The following LIMS2 variants were observed in gnomAD, a reference collection of about 807,000 sequenced individuals.
The protein encoded by LIMS2 is LIM and senescent cell antigen-like-containing domain protein 2.
In LIMS2, 30 loss-of-function variants were observed where a neutral mutation model predicts 45.3. The observed-to-expected ratio is 0.66, with a 90% CI of 0.50 to 0.90. The LOEUF (loss-of-function observed/expected upper bound fraction) is 0.90. Among genes scored for constraint, LIMS2 ranks in the 40% least tolerant of loss-of-function variants. The probability of loss-of-function intolerance (pLI) is 0.00; values close to 1 mark genes in which losing one functional copy is unlikely to be tolerated. For missense variants in LIMS2, 485 were observed against 468.7 expected (o/e 1.03, Z -0.32); for synonymous variants, 173 against 188.0 (o/e 0.92, Z 0.65).
At position 127,653,184 on chromosome 2, in the gene LIMS2, C is replaced by T. The variant is rs889463177; in HGVS notation, c.359+1240G>A. ...ACGTGCCTCTCTCACGGGCAGCACA[C>T]GGACAAGAGCTCGGTAGTGTCGGGG... On this transcript the variant is annotated intron_variant, in intron 4 of 9. Coordinates refer to ENST00000355119, the MANE Select transcript of LIMS2 (RefSeq NM_001161403.3). This position sits in a 1 kb window ranked among gnomAD's most constrained non-coding sequence, Gnocchi z 5.3. Among the ~76,000 whole-genome samples, 3 of 152,208 alleles carry T rather than the reference C, an allele frequency of 2.0e-5. No homozygotes were observed. Among genetic ancestry groups the T allele is most frequent in the East Asian group, 1.9e-4 (1 of 5,202 alleles).
chr2:127,656,146 T>C (rs1259324726), intron 2 of LIMS2: 1 of 152,244 alleles, frequency 6.6e-6, no homozygotes, highest in Non-Finnish European at 1.5e-5. Flanking sequence ...TGAGTATTTG[T>C]TACCTTTGTT....
rs773762287 is a variant in LIMS2, at chr2:127,651,698, C to T, written c.359+2726G>A. 26 of 1,613,076 alleles carry T rather than the reference C, an allele frequency of 1.6e-5. No individual in the cohort carries two copies. In the Middle Eastern group the frequency reaches 6.6e-4, roughly 41 times the overall value. On this transcript the variant is annotated intron_variant, in intron 4 of 9. Transcript: ENST00000355119. ...GTGGCAAAAGGCTCAAGGGCCCGCC[C>T]CCCAGCTTCGAAGGGAAAACCAACG...
chr2:127,639,508 C>G, intron 9 of LIMS2, 80 bp from the exon 10 acceptor site: 4 of 1,545,486 alleles, frequency 2.6e-6, no homozygotes, highest in Non-Finnish European at 3.5e-6. Context: ...AGTGGGCTTC[C>G]CTCAGCCCCC....
In LIMS2 at chr2:127,642,708, A is replaced by G. The variant is rs1032442320; in HGVS notation, c.509+215T>C. On this transcript the variant is annotated intron_variant, in intron 5 of 9. Transcript: ENST00000355119. This position sits in a 1 kb window ranked among gnomAD's most constrained non-coding sequence, Gnocchi z 5.3. ...CCTCCTGAGTCTCAAGTGCCCCCCAAACAGAGCCCTGGAGAGAGAAGCTTC... is the reference window on the plus strand; with the variant it reads ...CCTCCTGAGTCTCAAGTGCCCCCCAGACAGAGCCCTGGAGAGAGAAGCTTC... 22 of 582,506 alleles carry G rather than the reference A, an allele frequency of 3.8e-5. No homozygotes were observed. The highest frequency in any genetic ancestry group is 3.0e-4 in the South Asian group (14 of 47,202). The allele number at this position is 582,506 out of a possible 1,614,324, so 36.1% of individuals were successfully genotyped here.
chr2:127,658,927 G>C (rs771425769), intron 1 of LIMS2, among the ~76,000 whole-genome samples: 1 of 152,178 alleles, frequency 6.6e-6, no homozygotes, highest in African/African-American at 2.4e-5. Context: ...TCACTGCCGC[G>C]ACATCATGAG....
chr2:127,662,869 A>G (rs1374182803), intron 1 of LIMS2, among the ~76,000 whole-genome samples: 1 of 152,206 alleles, frequency 6.6e-6, no homozygotes, highest in Non-Finnish European at 1.5e-5. Context: ...ACCATCAGAA[A>G]CAGACTCCAA....
intron 7 of LIMS2, 141 bp downstream of exon 7, chr2:127,640,755 G>A (rs915001140): frequency 1.4e-5 from 10 of 716,236 alleles, no homozygotes; most frequent in Admixed American, 6.8e-5. Flanking sequence ...CCCCAGGCCA[G>A]GAGCCAGGGC....
Position 127,653,010 on chromosome 2 carries a change from C to T in LIMS2, c.359+1414G>A, listed in dbSNP as rs570348546. On this transcript the variant is annotated intron_variant, in intron 4 of 9. Coordinates refer to ENST00000355119, the MANE Select transcript of LIMS2 (RefSeq NM_001161403.3). The surrounding 1 kb of genome is among the most constrained non-coding windows in gnomAD (Gnocchi z 5.3). ...GGGCTCGCTCCACACACCCTGTCGGCGACGTTGCTGGTCAGCACGAGCTCC... is the reference window on the plus strand; with the variant it reads ...GGGCTCGCTCCACACACCCTGTCGGTGACGTTGCTGGTCAGCACGAGCTCC... Among the ~76,000 whole-genome samples the T allele has an allele frequency of 1.8e-4, 27 of 152,348 alleles. No individual in the cohort carries two copies. Among genetic ancestry groups the T allele is most frequent in the African/African-American group, 2.9e-4 (12 of 41,582 alleles).
rs2002216 is a variant in LIMS2 at position 127,675,131 on chromosome 2, G to A, written c.-107C>T. Reference sequence around the variant, plus strand: ...CCCGCCAGCCCGGGCCGCGGAGCAGGGAGACGCCCAAAAAAGGCCAAGAGC... The same window carrying A: ...CCCGCCAGCCCGGGCCGCGGAGCAGAGAGACGCCCAAAAAAGGCCAAGAGC... On this transcript the variant is annotated 5_prime_UTR_variant, in exon 1 of 10. Transcript: ENST00000355119. 0.017 allele frequency: 19,436 copies of A among 1,124,862 alleles called. 201 individuals carry two copies. The highest frequency in any genetic ancestry group is 0.051 in the Middle Eastern group (152 of 2,984). 69.7% of individuals were successfully genotyped at this position (1,124,862 alleles called of 1,614,324 possible).
Position 127,657,531 on chromosome 2 carries a change from A to G in LIMS2, c.43T>C (p.Cys15Arg). The G allele has an allele frequency of 6.2e-7, 1 of 1,610,656 alleles. No homozygotes were observed. Among genetic ancestry groups the G allele is most frequent in the Non-Finnish European group, 8.5e-7 (1 of 1,178,462 alleles). ...NMSDALANAV[C>R]QRCQARFSPA... is the part of the protein sequence containing the mutation. ...GAGAAGCGGGCCTGGCAGCGCTGGC[A>G]CACGGCGTTGGCCAAGGCGTCCGAC... The change falls in exon 2 of 10, where the codon TGC becomes CGC. Residue 15 changes from cysteine (C) to arginine (R), a missense_variant. Cys to Arg is a radical substitution (Grantham distance 180, BLOSUM62 -3). Coordinates refer to ENST00000355119, the MANE Select transcript of LIMS2 (RefSeq NM_001161403.3).
chr2:127,656,839 A>G (rs1157057172), intron 2 of LIMS2, among the ~76,000 whole-genome samples: 1 of 151,764 alleles, frequency 6.6e-6, no homozygotes, highest in African/African-American at 2.4e-5. Flanking sequence ...AGCGAGATCC[A>G]CCTCCCTTTC....
At chr2:127,678,620 C>A (rs1215446646), upstream of LIMS2, among the ~76,000 whole-genome samples, 2 of 152,170 alleles carry the variant, frequency 1.3e-5, no homozygotes, top group Admixed American at 6.5e-5. The surrounding 1 kb of genome is among the most constrained non-coding windows in gnomAD (Gnocchi z 5.3). Flanking sequence ...TGCTGGGAAT[C>A]TGGATGTGTG....
chr2:127,674,931 G>A (rs1165170458), intron 1 of LIMS2, 83 bp downstream of exon 1: 7 of 1,223,332 alleles, frequency 5.7e-6, no homozygotes, highest in Non-Finnish European at 7.1e-6. Context: ...GCGCCGCGGG[G>A]CTGTACGAGG....
chr2:127,640,497 C>T (rs1233394067), intron 7 of LIMS2, 179 bp from the exon 8 acceptor site: 12 of 665,690 alleles, frequency 1.8e-5, no homozygotes, highest in East Asian at 2.7e-5. Flanking sequence ...ACCACCCTTC[C>T]GGGAAGGACA....
intron 4 of LIMS2, chr2:127,651,262 A>G (rs1188279470): frequency 6.2e-7 from 1 of 1,606,170 alleles, no homozygotes; most frequent in Non-Finnish European, 8.5e-7. Flanking sequence ...GTGCAGACCA[A>G]CCACACGGTG....
rs376131838 is a variant in LIMS2, at chr2:127,660,281, TA to T, written c.12-2720del. ...ATGTGGGAGGGGCCAAATAAGGGAA[TA>T]AAACCAGGCCACTCGAACCCACAGC... On this transcript the variant is annotated intron_variant, in intron 1 of 9. Coordinates refer to ENST00000355119, the MANE Select transcript of LIMS2 (RefSeq NM_001161403.3). 3.9e-5 allele frequency among the ~76,000 whole-genome samples: 6 copies of T among 152,268 alleles called. No individual in the cohort carries two copies. The East Asian group carries it at 5.8e-4, about 15-fold the overall frequency.
At chr2:127,641,321 T>G (rs1682384573) in intron 6 of LIMS2, 1 of 261,700 alleles carries the variant, frequency 3.8e-6, no homozygotes, top group Admixed American at 4.7e-5. Context: ...GCCCCAGGAG[T>G]CAGGTGCCAG....
At chr2:127,640,870 C>G in intron 7 of LIMS2, 26 bp downstream of exon 7, 1 of 1,602,904 alleles carries the variant, frequency 6.2e-7, no homozygotes, top group Non-Finnish European at 8.5e-7. Flanking sequence ...AGACCCGCAT[C>G]CCTGAAGGTT....
At chr2:127,677,662 A>C (rs1685533397), upstream of LIMS2, among the ~76,000 whole-genome samples, 1 of 152,236 alleles carries the variant, frequency 6.6e-6, no homozygotes, top group Non-Finnish European at 1.5e-5. The surrounding 1 kb of genome is among the most constrained non-coding windows in gnomAD (Gnocchi z 5.0). Context: ...GGGCCACAGC[A>C]GAAGTAGGAT....
Sources: gnomAD v4.1 joint callset for allele counts (sites outside exome capture counted in the v4.1 genomes callset) on GRCh38, gnomAD v4.1.1 for gene constraint, Gnocchi (gnomAD v3.1) non-coding constraint, MANE v1.5 for transcripts, NCBI Gene and HGNC (gene_info 2026-07-23, HGNC 2026-07-21) for gene names.